Variants in PPP2R2B observed in about 807,000 individuals in gnomAD.
The protein encoded by PPP2R2B is protein phosphatase 2 regulatory subunit Bbeta, also known as serine/threonine-protein phosphatase 2A 55 kDa regulatory subunit B beta isoform.
PPP2R2B carries 5 observed loss-of-function variants against 46.0 expected under a neutral mutation model. The ratio of observed to expected loss-of-function variants is 0.11; its 90% CI spans 0.06 to 0.23. The LOEUF is 0.23. PPP2R2B is among the 10% of genes least tolerant of loss of function. The probability of loss-of-function intolerance (pLI) is 1.00; values close to 1 mark genes in which losing one functional copy is unlikely to be tolerated. For missense variants in PPP2R2B, 367 were observed against 575.0 expected (o/e 0.64, Z 3.70); for synonymous variants, 215 against 206.7 (o/e 1.04, Z -0.34).
At chr5:146,617,698 CTT>C (rs537190222) in intron 7 of PPP2R2B, among the ~76,000 whole-genome samples, 27 of 141,572 alleles carry the variant, frequency 1.9e-4, no homozygotes, top group Middle Eastern at 3.4e-3. Context: ...CTCTCTCTCT[CTT>C]TTTTTTTTTT....
intron 1 of PPP2R2B, among the ~76,000 whole-genome samples, chr5:147,053,347 A>T (rs1389551541): frequency 6.6e-6 from 1 of 152,188 alleles, no homozygotes; most frequent in Non-Finnish European, 1.5e-5. Flanking sequence ...TAAGAAGCCC[A>T]GAAATTGTTG....
chr5:146,976,243 T>C (rs1582531582), intron 1 of PPP2R2B, among the ~76,000 whole-genome samples: 1 of 151,886 alleles, frequency 6.6e-6, no homozygotes, highest in East Asian at 1.9e-4. Context: ...GTTCAAGCTA[T>C]TCTCCTGCGT....
intron 5 of PPP2R2B, among the ~76,000 whole-genome samples, chr5:146,658,986 C>G (rs1235400472): frequency 6.6e-6 from 1 of 152,006 alleles, no homozygotes; most frequent in African/African-American, 2.4e-5. Flanking sequence ...GTCTTACAGT[C>G]ATATATTCAT....
intron 1 of PPP2R2B, among the ~76,000 whole-genome samples, chr5:146,923,048 G>C (rs1763660631): frequency 6.6e-6 from 1 of 152,180 alleles, no homozygotes; most frequent in Admixed American, 6.5e-5. Context: ...TGATGACATA[G>C]GTGAGCCATG....
Position 147,029,880 on chromosome 5 carries a change from T to TAAAA in PPP2R2B, c.79+25784_79+25785insTTTT, listed in dbSNP as rs771678822. 3.4e-3 allele frequency among the ~76,000 whole-genome samples: 517 copies of TAAAA among 152,320 alleles called. 1 individual carries two copies. Among genetic ancestry groups the TAAAA allele is most frequent in the Admixed American group, 5.2e-3 (80 of 15,290 alleles). On this transcript the variant is annotated intron_variant, in intron 1 of 8. Transcript: ENST00000336640. ...ACTTTAAGAAAATCAATCTCTATTG[T>TAAAA]TGAAGCTACCCAGTCTCTGATATTC...
chr5:146,598,686 C>T (rs890807057), intron 8 of PPP2R2B, among the ~76,000 whole-genome samples: 2 of 152,110 alleles, frequency 1.3e-5, no homozygotes, highest in Non-Finnish European at 2.9e-5. Context: ...CCTGTTATAT[C>T]CCGCATCAAA....
chr5:146,986,271 C>T (rs962008743), intron 1 of PPP2R2B, among the ~76,000 whole-genome samples: 2 of 152,040 alleles, frequency 1.3e-5, no homozygotes, highest in Non-Finnish European at 2.9e-5. Context: ...ACCAACTTGC[C>T]ACAGAAAAAT....
intron 5 of PPP2R2B, among the ~76,000 whole-genome samples, chr5:146,667,499 G>A (rs997739658): frequency 2.0e-5 from 3 of 151,788 alleles, no homozygotes; most frequent in African/African-American, 4.8e-5. Flanking sequence ...AGAAAAAGAA[G>A]AAAGCAGGGA....
At chr5:146,844,627 A>G (rs964313734) in intron 2 of PPP2R2B, among the ~76,000 whole-genome samples, 1 of 152,220 alleles carries the variant, frequency 6.6e-6, no homozygotes, top group Non-Finnish European at 1.5e-5. Context: ...TTGAAAACAA[A>G]TTTAAGATTC....
At chr5:146,695,261 C>T (rs1779109850) in intron 4 of PPP2R2B, among the ~76,000 whole-genome samples, 1 of 152,058 alleles carries the variant, frequency 6.6e-6, no homozygotes, top group South Asian at 2.1e-4. Context: ...TGGATGGGAA[C>T]ACTTTTATTA....
chr5:146,646,846 C>T (rs373198023), intron 6 of PPP2R2B, among the ~76,000 whole-genome samples: 6 of 152,046 alleles, frequency 3.9e-5, no homozygotes, highest in Admixed American at 2.6e-4. Context: ...TAAATGTGTG[C>T]GTGCGTATGT....
chr5:146,794,796 A>G (rs1384546320), intron 2 of PPP2R2B, among the ~76,000 whole-genome samples: 1 of 152,158 alleles, frequency 6.6e-6, no homozygotes, highest in African/African-American at 2.4e-5. Context: ...TATTTTAGTG[A>G]TATGACTAAT....
At chr5:146,615,912 A>G (rs1022322146) in intron 7 of PPP2R2B, among the ~76,000 whole-genome samples, 2 of 152,224 alleles carry the variant, frequency 1.3e-5, no homozygotes, top group African/African-American at 4.8e-5. Context: ...ATGAAACCAC[A>G]AAAGACCCAG....
At chr5:146,732,970 T>C (rs936344686) in intron 2 of PPP2R2B, among the ~76,000 whole-genome samples, 2 of 152,216 alleles carry the variant, frequency 1.3e-5, no homozygotes, top group African/African-American at 4.8e-5. Context: ...TTGAAAACAA[T>C]GCTATCTATT....
At chr5:146,618,041 C>T (rs1773354156) in intron 7 of PPP2R2B, among the ~76,000 whole-genome samples, 1 of 152,120 alleles carries the variant, frequency 6.6e-6, no homozygotes, top group Admixed American at 6.5e-5. Context: ...CCATTGCCCC[C>T]ATCCCCAAAT....
intron 1 of PPP2R2B, among the ~76,000 whole-genome samples, chr5:147,009,689 T>G (rs964156555): frequency 6.6e-6 from 1 of 150,904 alleles, no homozygotes; most frequent in Admixed American, 6.6e-5. Flanking sequence ...TCACTTCACA[T>G]GTTTTCAATT....
chr5:146,622,318 A>G (rs979474174), intron 7 of PPP2R2B, among the ~76,000 whole-genome samples: 28 of 152,216 alleles, frequency 1.8e-4, no homozygotes, highest in African/African-American at 6.5e-4. Flanking sequence ...CATTTCATTG[A>G]ATCTGCACAA....
chr5:146,856,678 C>A (rs990053302), intron 2 of PPP2R2B: 9 of 825,614 alleles, frequency 1.1e-5, no homozygotes, highest in African/African-American at 1.7e-5. Context: ...TTTCCACATA[C>A]CCCCTACCAT....
intron 7 of PPP2R2B, among the ~76,000 whole-genome samples, chr5:146,605,535 C>T (rs905434915): frequency 1.3e-4 from 20 of 152,300 alleles, no homozygotes; most frequent in Non-Finnish European, 2.4e-4. Context: ...GAGTTGACAA[C>T]GCAATTACCC....
Sources: gnomAD v4.1 joint callset for allele counts (sites outside exome capture counted in the v4.1 genomes callset) on GRCh38, gnomAD v4.1.1 for gene constraint, MANE v1.5 for transcripts, NCBI Gene and HGNC (gene_info 2026-07-23, HGNC 2026-07-21) for gene names.